Variants in GPC6 observed in about 807,000 individuals in gnomAD.
GPC6 encodes glypican-6.
GPC6 carries 14 observed loss-of-function variants against 55.2 expected under a neutral mutation model. The observed-to-expected ratio is 0.25, with a 90% CI of 0.17 to 0.40. The LOEUF (loss-of-function observed/expected upper bound fraction) is 0.40. Ranked by LOEUF, GPC6 falls within the 10% of genes least tolerant of loss-of-function variation. The pLI is 1.00. For missense variants in GPC6, 641 were observed against 708.5 expected, an observed-to-expected ratio of 0.90 and a Z score of 1.08; for synonymous variants, 278 against 259.6, an observed-to-expected ratio of 1.07 and a Z score of -0.68.
chr13:93,384,384 G>A (rs1020188571), intron 1 of GPC6, among the ~76,000 whole-genome samples: 32 of 143,406 alleles, frequency 2.2e-4, no homozygotes, highest in Admixed American at 1.0e-3. Flanking sequence ...CCTGAAAACC[G>A]TTTTTTTTTT....
chr13:93,271,919 A>G (rs1877541342), intron 1 of GPC6, among the ~76,000 whole-genome samples: 1 of 152,184 alleles, frequency 6.6e-6, no homozygotes, highest in Admixed American at 6.5e-5. Flanking sequence ...ATGGCAGACC[A>G]TTAATTAACT....
intron 2 of GPC6, among the ~76,000 whole-genome samples, chr13:93,827,177 G>C (rs1463683513): frequency 2.0e-5 from 3 of 152,060 alleles, no homozygotes; most frequent in Non-Finnish European, 2.9e-5. Flanking sequence ...TGTGTGCTTT[G>C]TCCTCTTCCA....
chr13:93,919,564 A>G (rs1447539425), intron 3 of GPC6, among the ~76,000 whole-genome samples: 1 of 152,218 alleles, frequency 6.6e-6, no homozygotes, highest in Admixed American at 6.5e-5. Context: ...ATTTGGAGTA[A>G]AGAGCATCAG....
intron 2 of GPC6, among the ~76,000 whole-genome samples, chr13:93,554,378 T>C (rs1875343913): frequency 6.6e-6 from 1 of 152,024 alleles, no homozygotes; most frequent in South Asian, 2.1e-4. Context: ...TCCCATCCAA[T>C]ATTCTATTAT....
chr13:93,259,253 G>A (rs572254189), intron 1 of GPC6, among the ~76,000 whole-genome samples: 4 of 152,224 alleles, frequency 2.6e-5, no homozygotes, highest in Admixed American at 6.5e-5. Context: ...AAAGGGATCC[G>A]ATTAAGCCAT....
At chr13:93,465,883 G>C (rs1218097243) in intron 1 of GPC6, among the ~76,000 whole-genome samples, 1 of 151,940 alleles carries the variant, frequency 6.6e-6, no homozygotes, top group African/African-American at 2.4e-5. Flanking sequence ...TTTTGTGCTT[G>C]AATACTTAGA....
chr13:93,782,099 C>T (rs79432956), intron 2 of GPC6, among the ~76,000 whole-genome samples: 244 of 152,286 alleles, frequency 1.6e-3, no homozygotes, highest in African/African-American at 5.8e-3. Context: ...CCCACACCCT[C>T]TAGCCTCTGA....
At chr13:93,917,837 G>A (rs1307791853) in intron 3 of GPC6, among the ~76,000 whole-genome samples, 6 of 152,140 alleles carry the variant, frequency 3.9e-5, no homozygotes, top group African/African-American at 1.4e-4. Flanking sequence ...GGTGGCTCAC[G>A]CCTGTAATCC....
At chr13:94,339,304 C>T (rs1361057998) in intron 6 of GPC6, among the ~76,000 whole-genome samples, 1 of 152,112 alleles carries the variant, frequency 6.6e-6, no homozygotes, top group African/African-American at 2.4e-5. Flanking sequence ...AGCTCAGCAA[C>T]TTGCCTGCCT....
At chr13:94,233,515 G>GT (rs1594082590) in intron 4 of GPC6, among the ~76,000 whole-genome samples, 1 of 152,082 alleles carries the variant, frequency 6.6e-6, no homozygotes, top group East Asian at 1.9e-4. Flanking sequence ...CAATGCATAC[G>GT]TTTTAAGTTT....
chr13:93,501,543 A>C (rs1880520699), intron 1 of GPC6, among the ~76,000 whole-genome samples: 1 of 152,174 alleles, frequency 6.6e-6, no homozygotes, highest in Non-Finnish European at 1.5e-5. Flanking sequence ...GTTTGTTTGA[A>C]ATTTTGCACA....
chr13:93,389,049 A>T lies in GPC6; in HGVS notation c.161-156214A>T, dbSNP rs567130510. 9.2e-5 allele frequency among the ~76,000 whole-genome samples: 14 copies of T among 152,314 alleles called. No homozygotes were observed. The South Asian group carries it at 2.1e-3, about 23-fold the overall frequency. ...AGTATTAAGATATCTATTGAGCTGC[A>T]GTATTCTTACTTGGTGTAATGATGT... On this transcript the variant is annotated intron_variant, in intron 1 of 8. Transcript: ENST00000377047.
At chr13:93,780,867 C>A (rs531702339) in intron 2 of GPC6, among the ~76,000 whole-genome samples, 32 of 152,166 alleles carry the variant, frequency 2.1e-4, no homozygotes, top group African/African-American at 7.7e-4. Context: ...TTTCTTTGAG[C>A]TTGTCTTTAT....
At chr13:93,490,096 C>G (rs1879904438) in intron 1 of GPC6, among the ~76,000 whole-genome samples, 1 of 151,404 alleles carries the variant, frequency 6.6e-6, no homozygotes, top group Admixed American at 6.5e-5. Context: ...ATGATATTGG[C>G]TGTGGGTGTG....
intron 1 of GPC6, among the ~76,000 whole-genome samples, chr13:93,384,440 A>T (rs1875313035): frequency 6.6e-6 from 1 of 151,718 alleles, no homozygotes; most frequent in Non-Finnish European, 1.5e-5. Context: ...TAATCAGATT[A>T]GTAACGTGAT....
chr13:94,019,066 C>T (rs1882600531), intron 3 of GPC6, among the ~76,000 whole-genome samples: 1 of 152,180 alleles, frequency 6.6e-6, no homozygotes, highest in African/African-American at 2.4e-5. Context: ...TCAGGTAGTG[C>T]TGCTCTCTCA....
At chr13:93,970,675 C>G (rs1041954799) in intron 3 of GPC6, among the ~76,000 whole-genome samples, 11 of 152,150 alleles carry the variant, frequency 7.2e-5, no homozygotes, top group African/African-American at 2.7e-4. Context: ...TAATTAGGTG[C>G]TAATTGCAAA....
intron 3 of GPC6, among the ~76,000 whole-genome samples, chr13:93,868,736 A>G (rs1399398305): frequency 2.0e-5 from 3 of 151,872 alleles, no homozygotes; most frequent in Non-Finnish European, 2.9e-5. Context: ...TTGAGAGACG[A>G]GCAGACACAC....
At chr13:93,982,538 A>G (rs973379628) in intron 3 of GPC6, among the ~76,000 whole-genome samples, 6 of 152,110 alleles carry the variant, frequency 3.9e-5, no homozygotes, top group African/African-American at 1.4e-4. Flanking sequence ...CTATCCTTAC[A>G]CTACTTAGGT....
Sources: allele counts gnomAD v4.1 joint callset (sites outside exome capture counted in the v4.1 genomes callset), GRCh38; gene constraint gnomAD v4.1.1; transcripts MANE v1.5; gene names NCBI Gene and HGNC (gene_info 2026-07-23, HGNC 2026-07-21).